The following CPVL variants were observed in gnomAD, a reference collection of about 807,000 sequenced individuals.
CPVL encodes the protein carboxypeptidase vitellogenic like.
Under a neutral mutation model 63.7 loss-of-function variants are expected in CPVL, and 51 were observed. That is an observed-to-expected ratio of 0.80 (90% CI 0.64 to 1.01). The LOEUF is 1.01. CPVL is among the 50% of genes least tolerant of loss of function. The pLI is 0.00. For synonymous variants in CPVL, 195 were observed against 206.0 expected, an observed-to-expected ratio of 0.95 and a Z score of 0.46; for missense variants, 530 against 573.1, an observed-to-expected ratio of 0.92 and a Z score of 0.77.
chr7:29,113,053 G>A (rs765641681), intron 2 of CPVL: 24 of 433,188 alleles, frequency 5.5e-5, no homozygotes, highest in Non-Finnish European at 8.3e-5. Flanking sequence ...GGGGAGGGGT[G>A]CCCAAATATA....
intron 5 of CPVL, among the ~76,000 whole-genome samples, chr7:29,157,283 C>T (rs1461734307): frequency 6.7e-6 from 1 of 149,874 alleles, no homozygotes; most frequent in Non-Finnish European, 1.5e-5. Flanking sequence ...CCCATTGGAA[C>T]CTGTCAGTAC....
intron 7 of CPVL, among the ~76,000 whole-genome samples, chr7:29,074,552 C>T (rs1167952499): frequency 2.6e-5 from 4 of 151,856 alleles, no homozygotes; most frequent in African/African-American, 9.7e-5. Flanking sequence ...CATGGTTTGC[C>T]TCTGTGTCCC....
At chr7:29,129,475 A>C (rs1001587633) in intron 1 of CPVL, among the ~76,000 whole-genome samples, 2 of 40,396 alleles carry the variant, frequency 5.0e-5, no homozygotes, top group African/African-American at 1.2e-4. Context: ...TTTTGCCATT[A>C]CTTTTTTTTT....
intron 12 of CPVL, among the ~76,000 whole-genome samples, chr7:29,030,101 A>T (rs1362549636): frequency 6.6e-6 from 1 of 152,196 alleles, no homozygotes; most frequent in Non-Finnish European, 1.5e-5. Context: ...CTTGAAGAGG[A>T]CATTGCAAGA....
At chr7:29,152,735 T>A (rs78257967) in intron 5 of CPVL, among the ~76,000 whole-genome samples, 5,308 of 152,296 alleles carry the variant, frequency 0.035, 127 homozygotes, top group South Asian at 0.094. Flanking sequence ...GTTGGAAGAG[T>A]TAACGCCATT....
Position 29,002,869 on chromosome 7 carries a change from A to C in CPVL, c.1321-6987T>G, listed in dbSNP as rs536287592. Reference sequence around the variant, plus strand: ...GGAGAATAAAGGTATGAAAATTCAAAAAAAAAAAAAAAGAAGAAGAAGACG... The same window carrying C: ...GGAGAATAAAGGTATGAAAATTCAACAAAAAAAAAAAAGAAGAAGAAGACG... On this transcript the variant is annotated intron_variant, in intron 12 of 12. Coordinates refer to ENST00000265394, the MANE Select transcript of CPVL (RefSeq NM_031311.5). 6.4e-3 allele frequency among the ~76,000 whole-genome samples: 954 copies of C among 148,384 alleles called. 13 individuals are homozygous for C. Among genetic ancestry groups the C allele is most frequent in the African/African-American group, 0.023 (915 of 38,972 alleles).
At chr7:29,070,246 A>C (rs1489382358) in intron 9 of CPVL, among the ~76,000 whole-genome samples, 1 of 151,992 alleles carries the variant, frequency 6.6e-6, no homozygotes, top group African/African-American at 2.4e-5. Flanking sequence ...ATTATCTCTG[A>C]ATACACAACA....
chr7:29,010,122 G>A (rs971143210), intron 12 of CPVL: 8 of 152,114 alleles, frequency 5.3e-5, no homozygotes, highest in African/African-American at 1.9e-4. Flanking sequence ...GTCCCCCTCT[G>A]GCAAGCAGCT....
chr7:29,035,535 T>C (rs1417134922), intron 11 of CPVL, among the ~76,000 whole-genome samples: 1 of 152,170 alleles, frequency 6.6e-6, no homozygotes, highest in Non-Finnish European at 1.5e-5. Flanking sequence ...TTTGGCTCTA[T>C]GGACAGGATG....
At chr7:29,147,334 C>T (rs6959514), upstream of CPVL, 137 of 189,552 alleles carry the variant, frequency 7.2e-4, no homozygotes, top group African/African-American at 3.1e-3. Flanking sequence ...CCGGGCCAAC[C>T]TCCATCTCCT....
chr7:29,005,273 CTAT>C (rs1005391089), intron 12 of CPVL, among the ~76,000 whole-genome samples: 42 of 152,208 alleles, frequency 2.8e-4, no homozygotes, highest in African/African-American at 8.9e-4. Context: ...CACTCTACTA[CTAT>C]TATCAGAGTT....
intron 12 of CPVL, among the ~76,000 whole-genome samples, chr7:29,006,133 ACCAACTGTGCACATTGCTGC>A (rs1251003793): frequency 5.3e-5 from 8 of 152,220 alleles, no homozygotes; most frequent in African/African-American, 1.9e-4. Context: ...GATCAGGAGA[ACCAACTGTGCACATTGCTGC>A]CCAACTCCAT....
rs946752268 is a variant in CPVL, at chr7:29,101,662, C to A, written c.289-5445G>T. Reference sequence around the variant, plus strand: ...TTATAAAAACAGTACTTATTCTTAACTAAAGGTTTTTTTTTTTCTTCAGTG... The same window carrying A: ...TTATAAAAACAGTACTTATTCTTAAATAAAGGTTTTTTTTTTTCTTCAGTG... On this transcript the variant is annotated intron_variant, in intron 3 of 12. Transcript: ENST00000265394. 2.0e-5 allele frequency among the ~76,000 whole-genome samples: 3 copies of A among 152,070 alleles called. No individual in the cohort carries two copies. In the East Asian group the frequency reaches 5.8e-4, roughly 29 times the overall value.
chr7:29,125,295 A>G (rs6964444), intron 1 of CPVL, among the ~76,000 whole-genome samples: 3,306 of 152,148 alleles, frequency 0.022, 132 homozygotes, highest in African/African-American at 0.076. Flanking sequence ...ACTTTTACCA[A>G]GGAGTAACTG....
At chr7:29,021,151 T>A (rs1159535760) in intron 12 of CPVL, among the ~76,000 whole-genome samples, 2 of 151,802 alleles carry the variant, frequency 1.3e-5, no homozygotes, top group Non-Finnish European at 2.9e-5. Flanking sequence ...CAGAGTGGGA[T>A]TCTGTCTCAA....
At chr7:29,002,890 AG>A (rs1784793573) in intron 12 of CPVL, among the ~76,000 whole-genome samples, 2 of 151,148 alleles carry the variant, frequency 1.3e-5, no homozygotes. Context: ...AAGAAGAAGA[AG>A]ACGACATGAA....
intron 5 of CPVL, among the ~76,000 whole-genome samples, chr7:29,168,889 G>C (rs1796254455): frequency 6.6e-6 from 1 of 152,130 alleles, no homozygotes; most frequent in Non-Finnish European, 1.5e-5. Context: ...TAATCTATAA[G>C]CTTCTAAGAG....
At chr7:29,021,239 G>GA (rs1421690984) in intron 12 of CPVL, among the ~76,000 whole-genome samples, 1 of 151,602 alleles carries the variant, frequency 6.6e-6, no homozygotes, top group South Asian at 2.1e-4. Flanking sequence ...ACAAATTCCT[G>GA]AAAAAAAATT....
intron 1 of CPVL, chr7:29,126,499 TA>T (rs1382509132): frequency 6.6e-6 from 1 of 152,102 alleles, no homozygotes; most frequent in Non-Finnish European, 1.5e-5. Flanking sequence ...GATCAACCAG[TA>T]GCATAATCAG....
Sources: allele counts gnomAD v4.1 joint callset (sites outside exome capture counted in the v4.1 genomes callset), GRCh38; gene constraint gnomAD v4.1.1; transcripts MANE v1.5; gene names NCBI Gene and HGNC (gene_info 2026-07-23, HGNC 2026-07-21).